The following GALNTL6 variants were observed in gnomAD, a reference collection of about 807,000 sequenced individuals.
GALNTL6 encodes the protein polypeptide N-acetylgalactosaminyltransferase-like 6.
In GALNTL6, 46 loss-of-function variants were observed where a neutral mutation model predicts 73.7. The ratio of observed to expected loss-of-function variants is 0.62; its 90% CI spans 0.49 to 0.80. The LOEUF (loss-of-function observed/expected upper bound fraction) is 0.80. GALNTL6 is among the 30% of genes least tolerant of loss of function. The probability of loss-of-function intolerance (pLI) is 0.00; values close to 1 mark genes in which losing one functional copy is unlikely to be tolerated. For synonymous variants in GALNTL6, 259 were observed against 263.7 expected, an observed-to-expected ratio of 0.98 and a Z score of 0.17; for missense variants, 604 against 755.0, an observed-to-expected ratio of 0.80 and a Z score of 2.34.
intron 2 of GALNTL6, among the ~76,000 whole-genome samples, chr4:172,044,767 T>C: frequency 6.6e-6 from 1 of 152,070 alleles, no homozygotes; most frequent in Admixed American, 6.6e-5. Flanking sequence ...ACACTTGCCT[T>C]TGAAATTGTG....
chr4:171,824,100 T>C (rs1186763118), intron 2 of GALNTL6, among the ~76,000 whole-genome samples: 1 of 146,226 alleles, frequency 6.8e-6, no homozygotes, highest in Non-Finnish European at 1.5e-5. Flanking sequence ...TATATATATA[T>C]ATATATATAT....
chr4:172,246,370 A>G (rs1348261080), intron 3 of GALNTL6, among the ~76,000 whole-genome samples: 2 of 152,184 alleles, frequency 1.3e-5, no homozygotes, highest in African/African-American at 4.8e-5. Context: ...AGTAGGATCC[A>G]TTTATGCATA....
chr4:172,965,427 C>CA (rs1373255280), intron 10 of GALNTL6, among the ~76,000 whole-genome samples: 3 of 151,654 alleles, frequency 2.0e-5, no homozygotes, highest in Non-Finnish European at 4.4e-5. Context: ...ACTAAAAATA[C>CA]AAAAAATTAG....
chr4:172,617,492 T>A (rs1389563466), intron 5 of GALNTL6, among the ~76,000 whole-genome samples: 1 of 152,030 alleles, frequency 6.6e-6, no homozygotes, highest in Non-Finnish European at 1.5e-5. Flanking sequence ...ATTTTATTTT[T>A]TTGAGACCGA....
chr4:171,969,485 G>A (rs1481732919), intron 2 of GALNTL6, among the ~76,000 whole-genome samples: 1 of 152,136 alleles, frequency 6.6e-6, no homozygotes, highest in Non-Finnish European at 1.5e-5. Flanking sequence ...TTCATAAATG[G>A]CATAGGAGGT....
At chr4:172,763,958 ATT>A (rs35078752) in intron 5 of GALNTL6, among the ~76,000 whole-genome samples, 1,902 of 136,864 alleles carry the variant, frequency 0.014, 18 homozygotes, top group South Asian at 0.035. Flanking sequence ...AACAAGGTGT[ATT>A]TTTTTTTTTT....
In GALNTL6 at chr4:171,827,549, C is replaced by T. The variant is rs978112362; in HGVS notation, c.138+12831C>T. ...CAAATTTAGGTTGTTGACTCCCAGA[C>T]TATTTTCTCTAATCCAAATTTCCCT... On this transcript the variant is annotated intron_variant, in intron 2 of 12. Coordinates refer to ENST00000506823, the MANE Select transcript of GALNTL6 (RefSeq NM_001034845.3). Among the ~76,000 whole-genome samples, 4 of 152,186 alleles carry T rather than the reference C, an allele frequency of 2.6e-5. 1 individual carries two copies. The South Asian group carries it at 8.3e-4, about 31-fold the overall frequency.
intron 5 of GALNTL6, among the ~76,000 whole-genome samples, chr4:172,537,594 T>C (rs888537374): frequency 1.3e-5 from 2 of 152,238 alleles, no homozygotes; most frequent in African/African-American, 4.8e-5. Flanking sequence ...GGTGTGTCCT[T>C]ATAGCAGCAT....
intron 3 of GALNTL6, among the ~76,000 whole-genome samples, chr4:172,231,561 A>G (rs1278561783): frequency 6.6e-6 from 1 of 152,168 alleles, no homozygotes; most frequent in Non-Finnish European, 1.5e-5. Flanking sequence ...AGTAATAGCA[A>G]GGACACAACA....
chr4:172,706,405 A>C (rs1041767963), intron 5 of GALNTL6, among the ~76,000 whole-genome samples: 1 of 151,946 alleles, frequency 6.6e-6, no homozygotes, highest in Non-Finnish European at 1.5e-5. Flanking sequence ...TGCTGGTTTG[A>C]GTTATTGATC....
chr4:171,952,798 T>C (rs1738922895), intron 2 of GALNTL6, among the ~76,000 whole-genome samples: 1 of 152,092 alleles, frequency 6.6e-6, no homozygotes. Flanking sequence ...CTATAATCAC[T>C]TTTTTCAAAA....
intron 3 of GALNTL6, among the ~76,000 whole-genome samples, chr4:172,266,710 T>A (rs1424060197): frequency 6.6e-6 from 1 of 152,124 alleles, no homozygotes; most frequent in African/African-American, 2.4e-5. Context: ...CAGATATTTT[T>A]AAAGGTTAAT....
rs115579965 is a variant in GALNTL6, at chr4:172,651,891, A to G, written c.554-157470A>G. On this transcript the variant is annotated intron_variant, in intron 5 of 12. Coordinates refer to ENST00000506823, the MANE Select transcript of GALNTL6 (RefSeq NM_001034845.3). ...TGAACCATAAAGAGTGCTCACACCA[A>G]TCTGCAACTCCGAATTCATACCACC... is the stretch of plus-strand genomic sequence containing the variant. Among the ~76,000 whole-genome samples the G allele has an allele frequency of 9.0e-3, 1,375 of 152,290 alleles. 23 individuals carry two copies. Among genetic ancestry groups the G allele is most frequent in the African/African-American group, 0.031 (1,273 of 41,558 alleles).
chr4:172,708,255 G>C (rs1431984210), intron 5 of GALNTL6, among the ~76,000 whole-genome samples: 2 of 152,106 alleles, frequency 1.3e-5, no homozygotes, highest in South Asian at 2.1e-4. Flanking sequence ...TTGCTATGTT[G>C]CCAGGCAACA....
intron 5 of GALNTL6, among the ~76,000 whole-genome samples, chr4:172,429,175 A>ATTATTTTATTTAATTTTATT (rs1554023235): frequency 1.5e-4 from 2 of 13,304 alleles, no homozygotes; most frequent in Non-Finnish European, 2.1e-4. Flanking sequence ...ATTTTGTTTT[A>ATTATTTTATTTAATTTTATT]TTATTTTATT....
intron 2 of GALNTL6, among the ~76,000 whole-genome samples, chr4:172,193,655 G>A (rs1158023008): frequency 6.6e-6 from 1 of 152,132 alleles, no homozygotes; most frequent in Non-Finnish European, 1.5e-5. Flanking sequence ...GAGGTCAGGA[G>A]ATCTAGACCA....
At chr4:172,522,786 A>G (rs1310187684) in intron 5 of GALNTL6, among the ~76,000 whole-genome samples, 1 of 151,408 alleles carries the variant, frequency 6.6e-6, no homozygotes. Flanking sequence ...TGTTTTCTTA[A>G]TTCATTGCAT....
chr4:172,967,459 A>G (rs1190176972), intron 10 of GALNTL6, among the ~76,000 whole-genome samples: 2 of 152,046 alleles, frequency 1.3e-5, no homozygotes, highest in African/African-American at 4.8e-5. Flanking sequence ...GTCTTCCAGA[A>G]CTAATCATAC....
intron 2 of GALNTL6, among the ~76,000 whole-genome samples, chr4:172,118,558 G>A (rs1733051359): frequency 6.6e-6 from 1 of 151,990 alleles, no homozygotes; most frequent in Non-Finnish European, 1.5e-5. Context: ...AAATTAGTTG[G>A]GCATGGTGGC....
Sources: allele counts gnomAD v4.1 joint callset (sites outside exome capture counted in the v4.1 genomes callset), GRCh38; gene constraint gnomAD v4.1.1; transcripts MANE v1.5; gene names NCBI Gene and HGNC (gene_info 2026-07-23, HGNC 2026-07-21).